The following PRDM12 variants were observed in gnomAD, a reference collection of about 807,000 sequenced individuals.
PRDM12 encodes the protein PR/SET domain 12, also known as PR domain zinc finger protein 12.
In PRDM12, 17 loss-of-function variants were observed where a neutral mutation model predicts 29.6. The ratio of observed to expected loss-of-function variants is 0.57; its 90% confidence interval spans 0.39 to 0.86. The LOEUF (loss-of-function observed/expected upper bound fraction) is 0.86, where lower values mean the gene tolerates loss of function less well. PRDM12 is among the 40% of genes least tolerant of loss of function. PRDM12 has a pLI of 0.00. For missense variants in PRDM12, 422 were observed against 510.8 expected (o/e 0.83, Z 1.68); for synonymous variants, 231 against 225.8 (o/e 1.02, Z -0.21).
At chr9:130,666,523 C>A in intron 1 of PRDM12, 85 bp from the exon 2 acceptor site, 1 of 1,537,296 alleles carries the variant, frequency 6.5e-7, no homozygotes, top group Non-Finnish European at 8.8e-7. Flanking sequence ...TGGGCAGGAC[C>A]GAAGCCGGGG....
chr9:130,680,659 A>ATATATATATATATATATATATATTTTTTT, intron 4 of PRDM12, among the ~76,000 whole-genome samples: 2 of 72,172 alleles, frequency 2.8e-5, no homozygotes, highest in African/African-American at 7.8e-5. Context: ...ATATATATAT[A>ATATATATATATATATATATATATTTTTTT]TTTTTTTTTT....
intron 3 of PRDM12, among the ~76,000 whole-genome samples, chr9:130,671,391 A>T (rs1830788095): frequency 6.6e-6 from 1 of 151,478 alleles, no homozygotes; most frequent in African/African-American, 2.4e-5. Flanking sequence ...ACACACACAC[A>T]CACACACACA....
chr9:130,666,880 C>G, intron 2 of PRDM12, 82 bp downstream of exon 2: 1 of 1,484,844 alleles, frequency 6.7e-7, no homozygotes. Flanking sequence ...CCGGCCGTCG[C>G]CGCTTCCACC....
chr9:130,670,872 G>A (rs1016064038), intron 3 of PRDM12, among the ~76,000 whole-genome samples: 3 of 152,294 alleles, frequency 2.0e-5, no homozygotes, highest in African/African-American at 7.2e-5. Context: ...GGGGGCCTGA[G>A]TCTCATCTCG....
intron 3 of PRDM12, among the ~76,000 whole-genome samples, chr9:130,674,516 G>GTGTGTGTA (rs1416386413): frequency 6.6e-6 from 1 of 151,698 alleles, no homozygotes; most frequent in Non-Finnish European, 1.5e-5. Context: ...GTGTGTGTGT[G>GTGTGTGTA]TGTGTGTGTG....
rs1253641866 is a variant in PRDM12 at position 130,664,617 on chromosome 9, C to T, written c.-37C>T. The T allele has an allele frequency of 2.0e-6, 3 of 1,486,584 alleles. No homozygotes were observed. Among genetic ancestry groups the T allele is most frequent in the Admixed American group, 2.3e-5 (1 of 43,798 alleles). 92.1% of individuals were successfully genotyped at this position (1,486,584 alleles called of 1,614,324 possible). On this transcript the variant is annotated 5_prime_UTR_variant, in exon 1 of 5. Transcript: ENST00000253008. The surrounding 1 kb of genome is among the most constrained non-coding windows in gnomAD (Gnocchi z 6.4). ...CGCCCGCCCACCTCCCCCGTCGGCCCGGCCGTCCCCCGGCGCCGGGGAGCT... is the reference window on the plus strand; with the variant it reads ...CGCCCGCCCACCTCCCCCGTCGGCCTGGCCGTCCCCCGGCGCCGGGGAGCT...
At position 130,668,889 on chromosome 9, in the gene PRDM12, TAC is replaced by T. The variant is rs1016610436; in HGVS notation, c.570+578_570+579del. 2.0e-5 allele frequency among the ~76,000 whole-genome samples: 3 copies of T among 152,128 alleles called. No homozygotes were observed. The highest frequency in any genetic ancestry group is 2.9e-5 in the Non-Finnish European group (2 of 68,034). ...CCAGGAGGAGGATTCTGTGATTATT[TAC>T]AGTTTACTGACCAGAAAACCAGGTC... On this transcript the variant is annotated intron_variant, in intron 3 of 4. Transcript: ENST00000253008. The surrounding 1 kb of genome is among the most constrained non-coding windows in gnomAD (Gnocchi z 4.0).
In PRDM12 at chr9:130,666,592, G is replaced by A. The variant is rs1588184132; in HGVS notation, c.224-16G>A. ...GCCTCGGGCTCTGACCGGTTTTCCTGGCCCCGCCGCCGCAGAAGTGCAGAA... is the reference window on the plus strand; with the variant it reads ...GCCTCGGGCTCTGACCGGTTTTCCTAGCCCCGCCGCCGCAGAAGTGCAGAA... On this transcript the variant is annotated splice_polypyrimidine_tract_variant and intron_variant, in intron 1 of 4. Coordinates refer to ENST00000253008, the MANE Select transcript of PRDM12 (RefSeq NM_021619.3). 1 of 1,596,892 alleles carries A rather than the reference G, an allele frequency of 6.3e-7. No individual in the cohort carries two copies. Among genetic ancestry groups the A allele is most frequent in the East Asian group, 2.3e-5 (1 of 43,190 alleles).
chr9:130,673,086 A>T (rs567233390), intron 3 of PRDM12, among the ~76,000 whole-genome samples: 1 of 152,264 alleles, frequency 6.6e-6, no homozygotes, highest in East Asian at 1.9e-4. Context: ...TTGTGTCCTG[A>T]GCCTATCCCT....
At position 130,664,731 on chromosome 9, in the gene PRDM12, G is replaced by T. The variant is rs546473973; in HGVS notation, c.78G>T (p.Glu26Asp). ...AGGCGCCGGGACTGGCGCTGGCCGAGGTTATCACCTCCGACATCCTGCACA... is the reference window on the plus strand; with the variant it reads ...AGGCGCCGGGACTGGCGCTGGCCGATGTTATCACCTCCGACATCCTGCACA... ...GLKAPGLALA[E>D]VITSDILHSF... is the part of the protein sequence containing the mutation. The change falls in exon 1 of 5, where the codon GAG (glutamate) becomes GAT (aspartate). Residue 26 changes from glutamate (E) to aspartate (D), a missense_variant. By Grantham distance (45) the Glu-to-Asp change is conservative (BLOSUM62 2). Coordinates refer to ENST00000253008, the MANE Select transcript of PRDM12 (RefSeq NM_021619.3). This position sits in a 1 kb window ranked among gnomAD's most constrained non-coding sequence, Gnocchi z 6.4. The T allele has an allele frequency of 2.5e-6, 4 of 1,610,604 alleles. No homozygotes were observed. In the African/African-American group the frequency reaches 5.3e-5, roughly 21 times the overall value.
chr9:130,680,623 T>TAAAA lies in PRDM12; in HGVS notation c.683-616_683-613dup, dbSNP rs753422507. On this transcript the variant is annotated intron_variant, in intron 4 of 4. Coordinates refer to ENST00000253008, the MANE Select transcript of PRDM12 (RefSeq NM_021619.3). ...CCTGGAGACAGAGGGAGACTCCGTC[T>TAAAA]AAAAAAAAAAAATATATATATATAT... is the stretch of plus-strand genomic sequence containing the variant. 2.6e-3 allele frequency among the ~76,000 whole-genome samples: 203 copies of TAAAA among 78,922 alleles called. 6 individuals carry two copies. Among genetic ancestry groups the TAAAA allele is most frequent in the African/African-American group, 5.8e-3 (96 of 16,446 alleles). The allele number at this position is 78,922 out of a possible 152,430, so 51.8% of individuals were successfully genotyped here.
intron 3 of PRDM12, among the ~76,000 whole-genome samples, chr9:130,678,308 G>T (rs1324085407): frequency 6.6e-6 from 1 of 151,898 alleles, no homozygotes; most frequent in African/African-American, 2.4e-5. Context: ...CTTGGACAGA[G>T]ATGGCCTGGG....
In PRDM12 at chr9:130,675,088, C is replaced by T. The variant is rs562978206; in HGVS notation, c.571-3441C>T. 1.1e-4 allele frequency among the ~76,000 whole-genome samples: 17 copies of T among 152,288 alleles called. No individual in the cohort carries two copies. The South Asian group carries it at 2.3e-3, about 20-fold the overall frequency. On this transcript the variant is annotated intron_variant, in intron 3 of 4. Transcript: ENST00000253008. ...AGAGACGGGGTTTCACCATGTTGGC[C>T]AGGCTGGTCTCAAACTCCTGACCTC...
At chr9:130,680,634 A>AAATAT (rs1469778040) in intron 4 of PRDM12, among the ~76,000 whole-genome samples, 2 of 88,540 alleles carry the variant, frequency 2.3e-5, no homozygotes, top group Non-Finnish European at 3.9e-5. Flanking sequence ...AAAAAAAAAA[A>AAATAT]ATATATATAT....
At chr9:130,674,492 T>TTGTGTGTGTGTGTGTG (rs58489448) in intron 3 of PRDM12, among the ~76,000 whole-genome samples, 32 of 142,890 alleles carry the variant, frequency 2.2e-4, no homozygotes, top group African/African-American at 4.7e-4. Context: ...AAAAGATAAT[T>TTGTGTGTGTGTGTGTG]TGTGTGTGTG....
At chr9:130,680,633 AAATAT>A (rs1189353592) in intron 4 of PRDM12, among the ~76,000 whole-genome samples, 2 of 86,626 alleles carry the variant, frequency 2.3e-5, no homozygotes, top group Admixed American at 1.2e-4. Flanking sequence ...TAAAAAAAAA[AAATAT>A]ATATATATAT....
intron 3 of PRDM12, among the ~76,000 whole-genome samples, chr9:130,677,713 G>A (rs577540569): frequency 1.9e-4 from 29 of 152,302 alleles, no homozygotes; most frequent in African/African-American, 6.3e-4. Context: ...GGGATGTCCC[G>A]GAGTGTGTGG....
chr9:130,678,821 C>T (rs962725088), intron 4 of PRDM12, among the ~76,000 whole-genome samples, 181 bp downstream of exon 4: 2 of 152,012 alleles, frequency 1.3e-5, no homozygotes, highest in Non-Finnish European at 2.9e-5. Flanking sequence ...CTGGAGCTGC[C>T]GCATGGGCCG....
At position 130,681,273 on chromosome 9, in the gene PRDM12, G is replaced by C. The variant is rs766947685; in HGVS notation, c.708G>C (p.Ala236=). Residue 236 remains alanine (A), a synonymous_variant, in exon 5 of 5, where the codon GCG becomes GCC. Transcript: ENST00000253008. The surrounding 1 kb of genome is among the most constrained non-coding windows in gnomAD (Gnocchi z 8.1). ...KHEDFHPADS[A]AGPAGRMRCV... Reference sequence around the variant, plus strand: ...AGGACTTCCACCCGGCGGACTCGGCGGCTGGCCCCGCGGGCCGCATGCGAT... The same window carrying C: ...AGGACTTCCACCCGGCGGACTCGGCCGCTGGCCCCGCGGGCCGCATGCGAT... 25 of 1,473,536 alleles carry C rather than the reference G, an allele frequency of 1.7e-5. No homozygotes were observed. The highest frequency in any genetic ancestry group is 2.3e-5 in the Non-Finnish European group (25 of 1,105,122). 91.3% of individuals were successfully genotyped at this position (1,473,536 alleles called of 1,614,324 possible). A position where few individuals can be genotyped will look rare whatever the true frequency, so the allele number is the denominator to read the frequency against.
Sources: gnomAD v4.1 joint callset for allele counts (sites outside exome capture counted in the v4.1 genomes callset) on GRCh38, gnomAD v4.1.1 for gene constraint, Gnocchi (gnomAD v3.1) non-coding constraint, MANE v1.5 for transcripts, NCBI Gene and HGNC (gene_info 2026-07-23, HGNC 2026-07-21) for gene names.